CNOT1: variants seen among roughly 807,000 people sequenced by gnomAD.
CNOT1 encodes CCR4-associated factor 1.
A neutral mutation model predicts 273.8 loss-of-function variants in CNOT1; 15 were observed. The ratio of observed to expected loss-of-function variants is 0.05; its 90% confidence interval spans 0.04 to 0.08. The LOEUF (loss-of-function observed/expected upper bound fraction) is 0.08, where lower values mean the gene tolerates loss of function less well. CNOT1 is among the 10% of genes least tolerant of loss of function. The pLI is 1.00. For missense variants in CNOT1, 1,644 were observed against 2,912.2 expected (o/e 0.56, Z 10.02); for synonymous variants, 1,022 against 1,005.5 (o/e 1.02, Z -0.31).
chr16:58,521,315 ACTCTGG>A lies in CNOT1; in HGVS notation c.6918-4_6919del. On this transcript the variant is annotated splice_acceptor_variant and splice_polypyrimidine_tract_variant and coding_sequence_variant and intron_variant, in exon 48 of 49. Coordinates refer to ENST00000317147, the MANE Select transcript of CNOT1 (RefSeq NM_016284.5). LOFTEE classifies it high-confidence loss of function. The stretch of plus-strand genomic sequence containing the variant: ...ATTTACAATCAACCGTTCCAAGAGA[ACTCTGG>A]AAAAAGGGAGAAAGAGCTAGTTAAT... The A allele has an allele frequency of 6.2e-7, 1 of 1,600,454 alleles. No individual in the cohort carries two copies. The highest frequency in any genetic ancestry group is 1.8e-5 in the Admixed American group (1 of 55,738).
rs1029746410 is a variant in CNOT1 at position 58,545,609 on chromosome 16, G to A, written c.4007-118C>T. The stretch of plus-strand genomic sequence containing the variant: ...TTAAACGAATTAAATTGGGAGAGGA[G>A]GGAAGGATGTAGCAGGTCCTATTTT... On this transcript the variant is annotated intron_variant, in intron 29 of 48. Coordinates refer to ENST00000317147, the MANE Select transcript of CNOT1 (RefSeq NM_016284.5). The A allele has an allele frequency of 2.7e-5, 40 of 1,499,888 alleles. No homozygotes were observed. In the South Asian group the frequency reaches 5.1e-4, roughly 19 times the overall value. 92.9% of individuals were successfully genotyped at this position (1,499,888 alleles called of 1,614,324 possible).
intron 16 of CNOT1, among the ~76,000 whole-genome samples, chr16:58,573,264 C>T (rs1240920039): frequency 6.6e-6 from 1 of 150,866 alleles, no homozygotes; most frequent in East Asian, 2.0e-4. Context: ...CGAGATCATG[C>T]CAATGCACTC....
intron 2 of CNOT1, among the ~76,000 whole-genome samples, chr16:58,593,568 G>GAA (rs34487574): frequency 1.5e-3 from 208 of 139,762 alleles, no homozygotes; most frequent in Middle Eastern, 3.7e-3. Flanking sequence ...CGTCTCAAGG[G>GAA]AAAAAAAAAA....
At chr16:58,598,943 CG>C (rs1435091381) in intron 2 of CNOT1, 2 of 283,456 alleles carry the variant, frequency 7.1e-6, no homozygotes, top group Non-Finnish European at 1.4e-5. Flanking sequence ...CCCAGCTACT[CG>C]GGAGGCTGAG....
In CNOT1 at chr16:58,546,373, A is replaced by G. The variant is rs757428797; in HGVS notation, c.3954T>C (p.Ala1318=). The G allele has an allele frequency of 5.0e-6, 8 of 1,613,868 alleles. No individual in the cohort carries two copies. The highest frequency in any genetic ancestry group is 6.8e-6 in the Non-Finnish European group (8 of 1,179,916). Residue 1318 remains alanine, a synonymous_variant, in exon 29 of 49, where the codon GCT becomes GCC. Coordinates refer to ENST00000317147, the MANE Select transcript of CNOT1 (RefSeq NM_016284.5). ...CTGGCTGCTTGACATCTTTCTTTGG[A>G]GCAGAGAGTTGCTCATCTAAATTCT... ...RLKNLDEQLS[A]PKKDVKQPEE... is the part of the protein sequence containing the mutation.
chr16:58,567,684 T>C (rs998132579), intron 16 of CNOT1, among the ~76,000 whole-genome samples: 1 of 152,130 alleles, frequency 6.6e-6, no homozygotes, highest in Admixed American at 6.6e-5. Flanking sequence ...CAAAGGCTTA[T>C]AACAAGTGGG....
intron 2 of CNOT1, among the ~76,000 whole-genome samples, chr16:58,594,550 T>A (rs2042181818): frequency 6.6e-6 from 1 of 152,028 alleles, no homozygotes. Context: ...ACGTCTGTAA[T>A]CCCAGAATTT....
chr16:58,522,244 A>AAAAAC (rs2039417897), intron 47 of CNOT1, among the ~76,000 whole-genome samples: 4 of 24,280 alleles, frequency 1.6e-4, no homozygotes, highest in African/African-American at 1.2e-3. Context: ...TCTCAAAAAA[A>AAAAAC]AAAAAAAAAA....
At chr16:58,591,881 A>AT (rs75821824) in intron 2 of CNOT1, among the ~76,000 whole-genome samples, 6,605 of 151,800 alleles carry the variant, frequency 0.044, 419 homozygotes, top group East Asian at 0.26. Flanking sequence ...ATTCCATATG[A>AT]TTTTTTTTCA....
chr16:58,555,029 G>A (rs968911811), intron 21 of CNOT1, among the ~76,000 whole-genome samples: 3 of 151,348 alleles, frequency 2.0e-5, no homozygotes, highest in East Asian at 1.9e-4. Context: ...TTGAGACCAT[G>A]GTGAAACCCT....
chr16:58,622,179 T>C (rs1413183145), intron 1 of CNOT1, among the ~76,000 whole-genome samples: 1 of 148,968 alleles, frequency 6.7e-6, no homozygotes, highest in African/African-American at 2.5e-5. Flanking sequence ...CCAGGCGTGG[T>C]GGTGGGCGCC....
chr16:58,597,923 A>C, intron 2 of CNOT1: 1 of 249,912 alleles, frequency 4.0e-6, no homozygotes, highest in Non-Finnish European at 7.8e-6. Flanking sequence ...TATCATGAAA[A>C]ACCCAGACAT....
At chr16:58,628,988 G>A (rs956717298) in intron 1 of CNOT1, among the ~76,000 whole-genome samples, 2 of 152,260 alleles carry the variant, frequency 1.3e-5, no homozygotes, top group African/African-American at 2.4e-5. Context: ...TCACTAGCGG[G>A]ACACTTGTCC....
chr16:58,629,262 G>GT (rs1257732372), intron 1 of CNOT1, among the ~76,000 whole-genome samples: 1 of 152,170 alleles, frequency 6.6e-6, no homozygotes, highest in Non-Finnish European at 1.5e-5. Flanking sequence ...TCCAAACACG[G>GT]TCCCCCCCGC....
intron 16 of CNOT1, among the ~76,000 whole-genome samples, chr16:58,562,217 G>C (rs1325938956): frequency 6.6e-6 from 1 of 151,580 alleles, no homozygotes; most frequent in Non-Finnish European, 1.5e-5. Flanking sequence ...CATGGTAGCT[G>C]GGAGGTGGAG....
rs764147899 is a variant in CNOT1 at position 58,555,547 on chromosome 16, C to T, written c.2605-10G>A. 5 of 1,608,126 alleles carry T rather than the reference C, an allele frequency of 3.1e-6. No individual in the cohort carries two copies. The highest frequency in any genetic ancestry group is 4.2e-6 in the Non-Finnish European group (5 of 1,178,152). On this transcript the variant is annotated splice_polypyrimidine_tract_variant and intron_variant, in intron 20 of 48. Coordinates refer to ENST00000317147, the MANE Select transcript of CNOT1 (RefSeq NM_016284.5). ...GCAGCATTTCTAATACCTGGAAAAGCAAGACAAAAACAACGCACACATAAA... is the reference window on the plus strand; with the variant it reads ...GCAGCATTTCTAATACCTGGAAAAGTAAGACAAAAACAACGCACACATAAA...
At chr16:58,590,500 T>G (rs1365221964) in intron 2 of CNOT1, among the ~76,000 whole-genome samples, 1 of 151,996 alleles carries the variant, frequency 6.6e-6, no homozygotes, top group African/African-American at 2.4e-5. Context: ...GAGGCTGATG[T>G]ATGAGAATCG....
chr16:58,610,303 C>G (rs746887438), intron 1 of CNOT1, among the ~76,000 whole-genome samples: 3 of 152,160 alleles, frequency 2.0e-5, no homozygotes, highest in Non-Finnish European at 4.4e-5. Flanking sequence ...CCTGTAATCC[C>G]AGCTACTCAG....
Position 58,526,040 on chromosome 16 carries a change from A to G in CNOT1, c.6552T>C (p.Leu2184=), listed in dbSNP as rs760815765. 1.9e-6 allele frequency: 3 copies of G among 1,614,020 alleles called. No individual in the cohort carries two copies. The highest frequency in any genetic ancestry group is 2.5e-6 in the Non-Finnish European group (3 of 1,180,006). The change falls in exon 45 of 49, where the codon CTT becomes CTC. Residue 2184 remains leucine (L), a synonymous_variant. Coordinates refer to ENST00000317147, the MANE Select transcript of CNOT1 (RefSeq NM_016284.5). ...GGAAAGTGACTGGTGATCGAGTTTTAAGATAGGAATCCAAATCCTTTTTGA... is the reference window on the plus strand; with the variant it reads ...GGAAAGTGACTGGTGATCGAGTTTTGAGATAGGAATCCAAATCCTTTTTGA... ...PQFKKDLDSY[L]KTRSPVTFLS...
Sources: allele counts gnomAD v4.1 joint callset (sites outside exome capture counted in the v4.1 genomes callset), GRCh38; gene constraint gnomAD v4.1.1; transcripts MANE v1.5; gene names NCBI Gene and HGNC (gene_info 2026-07-23, HGNC 2026-07-21).